Variants in GBP6 observed in about 807,000 individuals in gnomAD.
GBP6 encodes guanylate-binding protein 6.
Under a neutral mutation model 61.5 loss-of-function variants are expected in GBP6, and 54 were observed. The ratio of observed to expected loss-of-function variants is 0.88; its 90% CI spans 0.71 to 1.10. GBP6 has a LOEUF of 1.10. Ranked by LOEUF, GBP6 falls within the 50% of genes least tolerant of loss-of-function variation. The pLI, the probability that GBP6 is intolerant of heterozygous loss-of-function variation, is 0.00. For missense variants in GBP6, 748 were observed against 752.8 expected (o/e 0.99, Z 0.07); for synonymous variants, 255 against 273.7 (o/e 0.93, Z 0.67).
intron 5 of GBP6, among the ~76,000 whole-genome samples, chr1:89,379,407 A>G (rs1043811733): frequency 2.6e-5 from 4 of 152,192 alleles, no homozygotes; most frequent in Non-Finnish European, 5.9e-5. Flanking sequence ...AAAATACATC[A>G]ACATGTTACA....
rs937580601 is a variant in GBP6, at chr1:89,387,739, C to A, written c.*2270C>A. 6.6e-6 allele frequency among the ~76,000 whole-genome samples: 1 copy of A among 152,152 alleles called. No homozygotes were observed. The highest frequency in any genetic ancestry group is 1.5e-5 in the Non-Finnish European group (1 of 68,038). On this transcript the variant is annotated 3_prime_UTR_variant, in exon 11 of 11. Coordinates refer to ENST00000370456, the MANE Select transcript of GBP6 (RefSeq NM_198460.3). ...CTTGAGGTCAGAAGTTTGAGACCAG[C>A]CTGGCCAACATGGCGAAACCCTGCC...
intron 6 of GBP6, 119 bp from the exon 7 acceptor site, chr1:89,381,575 T>C: frequency 2.3e-6 from 2 of 873,352 alleles, no homozygotes. Context: ...TGTGGGTGTA[T>C]GTGTTTGCAT....
At chr1:89,374,369 A>G (rs571951642) in intron 3 of GBP6, among the ~76,000 whole-genome samples, 8 of 152,172 alleles carry the variant, frequency 5.3e-5, no homozygotes, top group Admixed American at 1.3e-4. Flanking sequence ...TCATACTTCC[A>G]TATTTAAATA....
In GBP6 at chr1:89,380,452, G is replaced by A. The variant is rs961339806; in HGVS notation, c.692G>A (p.Arg231Gln). The A allele has an allele frequency of 1.1e-5, 18 of 1,613,858 alleles. No homozygotes were observed. The African/African-American group carries it at 1.6e-4, about 14-fold the overall frequency. ...TGCATCAGGCGTTTCTTTCCAAAACGGAAGTGTTTCGTCTTTGACCGGCCA... is the reference window on the plus strand; with the variant it reads ...TGCATCAGGCGTTTCTTTCCAAAACAGAAGTGTTTCGTCTTTGACCGGCCA... ...RECIRRFFPK[R>Q]KCFVFDRPTN... The change falls in exon 6 of 11, where the codon CGG (arginine) becomes CAG (glutamine). Residue 231 changes from arginine (R) to glutamine (Q), a missense_variant. By Grantham distance (43) the Arg-to-Gln change is conservative. Coordinates refer to ENST00000370456, the MANE Select transcript of GBP6 (RefSeq NM_198460.3).
At chr1:89,369,525 G>A in intron 2 of GBP6, 21 bp from the exon 3 acceptor site, 1 of 1,610,222 alleles carries the variant, frequency 6.2e-7, no homozygotes, top group Non-Finnish European at 8.5e-7. Flanking sequence ...CCTGTGCTTA[G>A]CTTCCTCCTC....
At position 89,378,729 on chromosome 1, in the gene GBP6, C is replaced by A. The variant is rs138550693; in HGVS notation, c.625+116C>A. 4 of 787,822 alleles carry A rather than the reference C, an allele frequency of 5.1e-6. No homozygotes were observed. In the East Asian group the frequency reaches 7.7e-5, roughly 15 times the overall value. 48.8% of individuals were successfully genotyped at this position (787,822 alleles called of 1,614,324 possible). On this transcript the variant is annotated intron_variant, in intron 5 of 10. Transcript: ENST00000370456. Reference sequence around the variant, plus strand: ...GAGACTAGATTGAGGTCTGTAGAAACGGGGACTGAGGGGTATGTTGAAGAG... The same window carrying A: ...GAGACTAGATTGAGGTCTGTAGAAAAGGGGACTGAGGGGTATGTTGAAGAG...
chr1:89,381,121 CA>C (rs1020464341), intron 6 of GBP6, among the ~76,000 whole-genome samples: 1 of 151,738 alleles, frequency 6.6e-6, no homozygotes, highest in East Asian at 1.9e-4. Context: ...CCCATCTCTA[CA>C]AAAAATACAA....
intron 1 of GBP6, among the ~76,000 whole-genome samples, chr1:89,366,834 TC>T (rs539450597): frequency 3.0e-3 from 457 of 152,250 alleles, no homozygotes; most frequent in Non-Finnish European, 5.5e-3. Flanking sequence ...CATTCCCTCC[TC>T]CCCCAGCCCA....
rs1653014781 is a variant in GBP6, at chr1:89,382,747, G to A, written c.1236G>A (p.Glu412=). 6.2e-7 allele frequency: 1 copy of A among 1,613,826 alleles called. No homozygotes were observed. Residue 412 remains glutamate, a synonymous_variant, in exon 8 of 11, where the codon GAG becomes GAA. Transcript: ENST00000370456. ...AATACTGCCAGGCTAAACTCAATGA[G>A]CTCTCAAAGGGACTAATGGAAAGTA... ...SVQYCQAKLN[E]LSKGLMESIS...
At chr1:89,373,637 G>T (rs1652711141) in intron 3 of GBP6, among the ~76,000 whole-genome samples, 1 of 152,020 alleles carries the variant, frequency 6.6e-6, no homozygotes, top group Non-Finnish European at 1.5e-5. Context: ...GACACAGGGT[G>T]GGGAACATCA....
At position 89,385,687 on chromosome 1, in the gene GBP6, C is replaced by T. The variant is rs750531015; in HGVS notation, c.*218C>T. Reference sequence around the variant, plus strand: ...AGCTGGGATTATAGGTGTACACCACCACACCCAGCTAATTTTTGTATTTTT... The same window carrying T: ...AGCTGGGATTATAGGTGTACACCACTACACCCAGCTAATTTTTGTATTTTT... On this transcript the variant is annotated 3_prime_UTR_variant, in exon 11 of 11. Transcript: ENST00000370456. 7.9e-5 allele frequency: 33 copies of T among 419,806 alleles called. No homozygotes were observed. The highest frequency in any genetic ancestry group is 1.3e-4 in the Non-Finnish European group (31 of 236,880). 26.0% of individuals were successfully genotyped at this position (419,806 alleles called of 1,614,324 possible).
rs60606690 is a variant in GBP6 at position 89,382,786 on chromosome 1, T to C, written c.1275T>C (p.Ser425=). The change falls in exon 8 of 11, where the codon AGT becomes AGC. Residue 425 remains serine (S), a synonymous_variant. Coordinates refer to ENST00000370456, the MANE Select transcript of GBP6 (RefSeq NM_198460.3). ...TAATGGAAAGTATCTCAGCAGGAAG[T>C]TTCTCTGTTCCTGGAGGGCACAAGC... ...KGLMESISAG[S]FSVPGGHKLY... is the part of the protein sequence containing the mutation. 641 of 1,613,944 alleles carry C rather than the reference T, an allele frequency of 4.0e-4. 2 individuals are homozygous for C. In the African/African-American group the frequency reaches 7.7e-3, roughly 19 times the overall value.
At chr1:89,371,615 T>C (rs1254078134) in intron 3 of GBP6, among the ~76,000 whole-genome samples, 2 of 152,058 alleles carry the variant, frequency 1.3e-5, no homozygotes, top group Non-Finnish European at 2.9e-5. Flanking sequence ...ATCCAACAGC[T>C]CTTCATGCTA....
At chr1:89,377,979 G>C (rs1570467317) in intron 3 of GBP6, 124 bp from the exon 4 acceptor site, 1 of 848,058 alleles carries the variant, frequency 1.2e-6, no homozygotes, top group East Asian at 2.6e-5. Flanking sequence ...TTACATTCAT[G>C]TCTATGTTCT....
In GBP6 at chr1:89,378,546, G is replaced by A; in HGVS notation, c.558G>A (p.Glu186=). The stretch of plus-strand genomic sequence containing the variant: ...GGACAGTACGGGATTTCACTCTGGA[G>A]CTGAAGTTGAACGGTCACCCTATCA... ...FLWTVRDFTL[E]LKLNGHPITE... The change falls in exon 5 of 11, where the codon GAG becomes GAA. Residue 186 remains glutamate, a synonymous_variant. Transcript: ENST00000370456. 6.2e-7 allele frequency: 1 copy of A among 1,614,124 alleles called. No individual in the cohort carries two copies. Among genetic ancestry groups the A allele is most frequent in the South Asian group, 1.1e-5 (1 of 91,086 alleles).
intron 9 of GBP6, 42 bp downstream of exon 9, chr1:89,383,796 T>C: frequency 1.5e-6 from 2 of 1,361,724 alleles, no homozygotes; most frequent in Non-Finnish European, 2.1e-6. Context: ...GGTACGTTTA[T>C]ACAATGCCCT....
rs375740897 is a variant in GBP6, at chr1:89,385,238, T to C, written c.1671T>C (p.Asn557=). ...MMLEHTQKVQ[N]DWLHEGFKKK... ...TCCTACATTGTCTTTAGGTCCAAAA[T>C]GATTGGCTTCATGAAGGATTTAAGA... The change falls in exon 11 of 11, where the codon AAT becomes AAC. Residue 557 remains asparagine, a synonymous_variant. Coordinates refer to ENST00000370456, the MANE Select transcript of GBP6 (RefSeq NM_198460.3). The C allele has an allele frequency of 1.2e-6, 2 of 1,612,934 alleles. No individual in the cohort carries two copies. The highest frequency in any genetic ancestry group is 1.3e-5 in the African/African-American group (1 of 74,906).
chr1:89,375,954 T>G (rs1652797511), intron 3 of GBP6, among the ~76,000 whole-genome samples: 1 of 152,132 alleles, frequency 6.6e-6, no homozygotes, highest in East Asian at 1.9e-4. Context: ...AACCTTCCTG[T>G]TCCCCTCTCC....
At chr1:89,368,787 T>A in intron 2 of GBP6, 46 bp downstream of exon 2, 1 of 1,545,454 alleles carries the variant, frequency 6.5e-7, no homozygotes, top group Non-Finnish European at 8.8e-7. Context: ...ATTCCAGCTA[T>A]ATCTCAGCTT....
Sources: allele counts gnomAD v4.1 joint callset (sites outside exome capture counted in the v4.1 genomes callset), GRCh38; gene constraint gnomAD v4.1.1; transcripts MANE v1.5; gene names NCBI Gene and HGNC (gene_info 2026-07-23, HGNC 2026-07-21).